RBPMS: variants seen among roughly 807,000 people sequenced by gnomAD.
RBPMS encodes the protein RNA-binding protein with multiple splicing.
Under a neutral mutation model 26.8 loss-of-function variants are expected in RBPMS, and 7 were observed. That is an observed-to-expected ratio of 0.26 (90% CI 0.15 to 0.49). The LOEUF (loss-of-function observed/expected upper bound fraction) is 0.49, where lower values mean the gene tolerates loss of function less well. Ranked by LOEUF, RBPMS falls within the 20% of genes least tolerant of loss-of-function variation. The pLI is 0.98. For missense variants in RBPMS, 186 were observed against 250.0 expected (o/e 0.74, Z 1.73); for synonymous variants, 96 against 93.3 (o/e 1.03, Z -0.17).
At chr8:30,568,320 T>G (rs1828040081) in intron 8 of RBPMS, among the ~76,000 whole-genome samples, 1 of 152,092 alleles carries the variant, frequency 6.6e-6, no homozygotes, top group African/African-American at 2.4e-5. Flanking sequence ...GAGCTGCAGA[T>G]GGATCAAGGG....
In RBPMS at chr8:30,556,608, CCACACTGACCCAGTG is replaced by C; in HGVS notation, c.529-2273_529-2259del. The C allele has an allele frequency of 8.1e-6, 8 of 986,390 alleles. No homozygotes were observed. The South Asian group carries it at 3.8e-4, about 46-fold the overall frequency. 61.1% of individuals were successfully genotyped at this position (986,390 alleles called of 1,614,324 possible). ...GCCGCACCAGTCACACCACTGCGCT[CCACACTGACCCAGTG>C]CACACAGACCCATCACCCTCTACTG... On this transcript the variant is annotated intron_variant, in intron 6 of 8. Coordinates refer to ENST00000397323, the MANE Select transcript of RBPMS (RefSeq NM_001008710.3).
At chr8:30,438,587 A>T (rs1208070913) in intron 1 of RBPMS, among the ~76,000 whole-genome samples, 1 of 152,172 alleles carries the variant, frequency 6.6e-6, no homozygotes, top group Non-Finnish European at 1.5e-5. Flanking sequence ...TTTAGCTCTT[A>T]TTCTAACACA....
intron 5 of RBPMS, among the ~76,000 whole-genome samples, chr8:30,530,193 A>G (rs996147419): frequency 3.3e-5 from 5 of 152,212 alleles, no homozygotes; most frequent in African/African-American, 1.2e-4. Context: ...TTTTAACTGG[A>G]ATGTATATTA....
At chr8:30,490,059 G>A (rs1298255754) in intron 4 of RBPMS, among the ~76,000 whole-genome samples, 6 of 152,002 alleles carry the variant, frequency 3.9e-5, no homozygotes, top group Non-Finnish European at 7.4e-5. Context: ...TGATCCTCCC[G>A]CCTCGGCCTT....
At chr8:30,546,740 A>G (rs1376571933) in intron 6 of RBPMS, among the ~76,000 whole-genome samples, 1 of 152,206 alleles carries the variant, frequency 6.6e-6, no homozygotes, top group Admixed American at 6.5e-5. Flanking sequence ...CATGGACTCT[A>G]TGAACAAATA....
At chr8:30,565,120 T>C (rs1468152563) in intron 7 of RBPMS, 1 of 152,226 alleles carries the variant, frequency 6.6e-6, no homozygotes, top group Non-Finnish European at 1.5e-5. Flanking sequence ...GCAAAGATGA[T>C]TATTTTCCTG....
At chr8:30,434,996 A>ACATC (rs113850134) in intron 1 of RBPMS, among the ~76,000 whole-genome samples, 9,356 of 150,452 alleles carry the variant, frequency 0.062, 591 homozygotes, top group African/African-American at 0.15. Context: ...TCCAAAGAAG[A>ACATC]CATCCATCCA....
intron 3 of RBPMS, 93 bp downstream of exon 3, chr8:30,477,930 A>T: frequency 1.2e-6 from 1 of 867,020 alleles, no homozygotes; most frequent in East Asian, 2.5e-5. Flanking sequence ...TCCCATTAGA[A>T]TTTGAGGGGT....
At position 30,471,965 on chromosome 8, in the gene RBPMS, A is replaced by G. The variant is rs190942498; in HGVS notation, c.67-2814A>G. On this transcript the variant is annotated intron_variant, in intron 1 of 8. Coordinates refer to ENST00000397323, the MANE Select transcript of RBPMS (RefSeq NM_001008710.3). ...ATACACATTTGTTTTAAGTGCACAC[A>G]GAACATTTACCATGTTCTGAAACAT... Among the ~76,000 whole-genome samples, 281 of 152,364 alleles carry G rather than the reference A, an allele frequency of 1.8e-3. 2 individuals carry two copies. Among genetic ancestry groups the G allele is most frequent in the African/African-American group, 6.5e-3 (270 of 41,586 alleles).
At position 30,474,874 on chromosome 8, in the gene RBPMS, T is replaced by A. The variant is rs765278914; in HGVS notation, c.144+18T>A. ...CATTTAAGGTACCTTTTTTTATCTT[T>A]CAGAAATTATAAAATGAGACAAAAG... On this transcript the variant is annotated intron_variant, in intron 2 of 8. Coordinates refer to ENST00000397323, the MANE Select transcript of RBPMS (RefSeq NM_001008710.3). 25 of 1,514,650 alleles carry A rather than the reference T, an allele frequency of 1.7e-5. No individual in the cohort carries two copies. In the East Asian group the frequency reaches 3.6e-4, roughly 22 times the overall value. 93.8% of individuals were successfully genotyped at this position (1,514,650 alleles called of 1,614,324 possible). A position where few individuals can be genotyped will look rare whatever the true frequency, so the allele number is the denominator to read the frequency against.
chr8:30,437,164 G>A (rs987146832), intron 1 of RBPMS, among the ~76,000 whole-genome samples: 15 of 151,300 alleles, frequency 9.9e-5, no homozygotes, highest in Admixed American at 3.3e-4. Flanking sequence ...CTCATGATCC[G>A]CCTGCCTCGG....
At chr8:30,437,717 G>A (rs1274725114) in intron 1 of RBPMS, among the ~76,000 whole-genome samples, 2 of 152,006 alleles carry the variant, frequency 1.3e-5, no homozygotes, top group African/African-American at 2.4e-5. Flanking sequence ...CTTGAACTCG[G>A]GAGATGGAGG....
intron 5 of RBPMS, among the ~76,000 whole-genome samples, chr8:30,540,722 C>T (rs983709195): frequency 1.2e-4 from 18 of 152,210 alleles, no homozygotes; most frequent in African/African-American, 4.1e-4. Flanking sequence ...AGCCACTGCA[C>T]GCAGCCAAAC....
At chr8:30,489,147 A>T (rs1432702454) in intron 4 of RBPMS, among the ~76,000 whole-genome samples, 1 of 149,958 alleles carries the variant, frequency 6.7e-6, no homozygotes, top group Admixed American at 6.7e-5. Flanking sequence ...CCTGGCCTTG[A>T]GTGCTCCTCC....
chr8:30,512,254 A>G (rs758119359), intron 5 of RBPMS, among the ~76,000 whole-genome samples: 1 of 151,674 alleles, frequency 6.6e-6, no homozygotes. Context: ...TTGTTTACTT[A>G]TTTGTTTGTG....
intron 8 of RBPMS, among the ~76,000 whole-genome samples, chr8:30,567,008 TA>T (rs1003425955): frequency 1.1e-3 from 162 of 152,160 alleles, no homozygotes; most frequent in African/African-American, 3.6e-3. Flanking sequence ...AAATGTAGTC[TA>T]AAAAAAATCC....
chr8:30,449,034 C>G (rs954890826), intron 1 of RBPMS, among the ~76,000 whole-genome samples: 3 of 152,162 alleles, frequency 2.0e-5, no homozygotes, highest in Non-Finnish European at 2.9e-5. Flanking sequence ...AACTTTATAG[C>G]TGGGAGTACT....
intron 6 of RBPMS, chr8:30,552,330 TC>T (rs1447797452): frequency 6.6e-6 from 1 of 152,168 alleles, no homozygotes; most frequent in African/African-American, 2.4e-5. Context: ...AATGTAGCCT[TC>T]ATAAAAGGGG....
At chr8:30,445,886 A>G (rs539509698) in intron 1 of RBPMS, among the ~76,000 whole-genome samples, 1 of 151,942 alleles carries the variant, frequency 6.6e-6, no homozygotes, top group South Asian at 2.1e-4. Context: ...GCTGTTCTGG[A>G]ACTCCTGGAC....
Sources: gnomAD v4.1 joint callset for allele counts (sites outside exome capture counted in the v4.1 genomes callset) on GRCh38, gnomAD v4.1.1 for gene constraint, MANE v1.5 for transcripts, NCBI Gene and HGNC (gene_info 2026-07-23, HGNC 2026-07-21) for gene names.